Variants in ZNG1B observed in about 807,000 individuals in gnomAD.
The protein encoded by ZNG1B is Zn regulated GTPase metalloprotein activator 1B.
the ZNG1B span, among the ~76,000 whole-genome samples, chr2:113,478,438 A>C: frequency 6.8e-6 from 1 of 147,480 alleles, no homozygotes; most frequent in African/African-American, 2.6e-5. Context: ...ACCATGCCTG[A>C]CTAATTTTTT....
the ZNG1B span, among the ~76,000 whole-genome samples, chr2:113,460,470 G>A: frequency 6.6e-6 from 1 of 151,956 alleles, no homozygotes; most frequent in Admixed American, 6.6e-5. Flanking sequence ...AACCCCACAG[G>A]TTCACTTGTA....
chr2:113,443,319 C>G, the ZNG1B span, among the ~76,000 whole-genome samples: 11 of 151,608 alleles, frequency 7.3e-5, no homozygotes, highest in Non-Finnish European at 1.3e-4. Context: ...GAATATTCAG[C>G]AGTTTGTCTA....
the ZNG1B span, chr2:113,438,960 T>C: frequency 2.1e-5 from 32 of 1,510,874 alleles, no homozygotes; most frequent in Non-Finnish European, 2.8e-5. Flanking sequence ...GTAAGTTTAT[T>C]CCCGTTTTTT....
chr2:113,453,308 A>C, the ZNG1B span: 13 of 1,525,546 alleles, frequency 8.5e-6, no homozygotes, highest in South Asian at 1.2e-5. Flanking sequence ...CATGGAGTGC[A>C]GTGGCATGAT....
chr2:113,471,211 G>C, the ZNG1B span: 1 of 1,430,730 alleles, frequency 7.0e-7, no homozygotes, highest in Non-Finnish European at 9.6e-7. Flanking sequence ...TGGCATACAA[G>C]ACCATACTTA....
chr2:113,451,045 G>A, the ZNG1B span, among the ~76,000 whole-genome samples: 1 of 152,140 alleles, frequency 6.6e-6, no homozygotes, highest in Non-Finnish European at 1.5e-5. Flanking sequence ...ATTTCTCTTT[G>A]TTCTGAGCCC....
chr2:113,450,305 C>T, the ZNG1B span, among the ~76,000 whole-genome samples: 1 of 141,302 alleles, frequency 7.1e-6, no homozygotes, highest in African/African-American at 2.7e-5. Flanking sequence ...TTTTGTTGTT[C>T]GTATGTATTC....
chr2:113,471,080 C>T, the ZNG1B span: 2 of 1,578,688 alleles, frequency 1.3e-6, no homozygotes, highest in Middle Eastern at 2.3e-4. Context: ...GATAGTCTCT[C>T]TGGAATAAGG....
At chr2:113,471,951 A>G in the ZNG1B span, among the ~76,000 whole-genome samples, 1 of 152,024 alleles carries the variant, frequency 6.6e-6, no homozygotes, top group East Asian at 1.9e-4. Context: ...ATATGTGTGC[A>G]TATGTCTTTA....
the ZNG1B span, among the ~76,000 whole-genome samples, chr2:113,487,614 A>G: frequency 2.0e-5 from 3 of 151,476 alleles, no homozygotes; most frequent in African/African-American, 7.3e-5. Flanking sequence ...ACCTGATATT[A>G]GTGGATTCAT....
the ZNG1B span, chr2:113,494,462 A>G: frequency 1.4e-6 from 1 of 715,522 alleles, no homozygotes; most frequent in African/African-American, 2.2e-5. Flanking sequence ...CAGTGATTCT[A>G]AAGTGTATGC....
the ZNG1B span, chr2:113,457,232 C>A: frequency 3.2e-5 from 14 of 435,644 alleles, no homozygotes; most frequent in Non-Finnish European, 5.9e-5. Context: ...TTCTTGGTTC[C>A]TCTGTTATAT....
the ZNG1B span, among the ~76,000 whole-genome samples, chr2:113,471,812 C>T: frequency 4.6e-5 from 7 of 151,834 alleles, no homozygotes; most frequent in South Asian, 2.1e-4. Flanking sequence ...GGACATGAAC[C>T]CATCCTTTTT....
At chr2:113,475,321 G>A in the ZNG1B span, among the ~76,000 whole-genome samples, 16 of 152,176 alleles carry the variant, frequency 1.1e-4, no homozygotes, top group Middle Eastern at 3.4e-3. Flanking sequence ...CCCCTGCCTT[G>A]TTTTGTTTTC....
At chr2:113,458,403 T>G in the ZNG1B span, among the ~76,000 whole-genome samples, 1 of 151,992 alleles carries the variant, frequency 6.6e-6, no homozygotes, top group Non-Finnish European at 1.5e-5. Context: ...AAGAGGACAT[T>G]TATCTCTTCT....
chr2:113,462,346 A>G, the ZNG1B span: 1 of 1,477,576 alleles, frequency 6.8e-7, no homozygotes, highest in African/African-American at 1.4e-5. Context: ...CTTTTGATGT[A>G]TTAATCTGCA....
At chr2:113,456,808 C>T in the ZNG1B span, among the ~76,000 whole-genome samples, 1 of 152,186 alleles carries the variant, frequency 6.6e-6, no homozygotes, top group African/African-American at 2.4e-5. Context: ...TCCAATTCCT[C>T]TGGTTGCAAA....
At chr2:113,468,836 G>T in the ZNG1B span, 1 of 151,296 alleles carries the variant, frequency 6.6e-6, no homozygotes, top group South Asian at 2.1e-4. Flanking sequence ...TTTGGTGAGA[G>T]ACTTGGATAT....
chr2:113,437,897 A>G, the ZNG1B span: 1 of 1,611,866 alleles, frequency 6.2e-7, no homozygotes, highest in Admixed American at 1.7e-5. Context: ...TCTGCGGATG[A>G]GGAGGAGGAT....
Sources: allele counts gnomAD v4.1 joint callset (sites outside exome capture counted in the v4.1 genomes callset), GRCh38; gene constraint gnomAD v4.1.1; transcripts MANE v1.5; gene names NCBI Gene and HGNC (gene_info 2026-07-23, HGNC 2026-07-21).